SYDE2: variants seen among roughly 807,000 people sequenced by gnomAD.
SYDE2 encodes rho GTPase-activating protein SYDE2.
A neutral mutation model predicts 91.5 loss-of-function variants in SYDE2; 76 were observed. That is an observed-to-expected ratio of 0.83 (90% confidence interval 0.69 to 1.01). The LOEUF is 1.01. SYDE2 is among the 50% of genes least tolerant of loss of function. The pLI, the probability that SYDE2 is intolerant of heterozygous loss-of-function variation, is 0.00. For missense variants in SYDE2, 1,364 were observed against 1,367.7 expected (o/e 1.00, Z 0.04); for synonymous variants, 513 against 506.4 (o/e 1.01, Z -0.18).
At chr1:85,180,416 A>G (rs1657865785) in intron 3 of SYDE2, among the ~76,000 whole-genome samples, 1 of 151,976 alleles carries the variant, frequency 6.6e-6, no homozygotes, top group Admixed American at 6.6e-5. Context: ...TCTAGGCCGG[A>G]CGCGGTGGCT....
In SYDE2 at chr1:85,200,586, A is replaced by G. The variant is rs1658788683; in HGVS notation, c.411T>C (p.Ala137=). The G allele has an allele frequency of 2.5e-6, 4 of 1,581,742 alleles. No individual in the cohort carries two copies. The highest frequency in any genetic ancestry group is 2.6e-6 in the Non-Finnish European group (3 of 1,167,636). Residue 137 remains alanine (A), a synonymous_variant, in exon 1 of 7, where the codon GCT becomes GCC. Coordinates refer to ENST00000341460, the MANE Select transcript of SYDE2 (RefSeq NM_032184.2). ...CTGGAGGCTGGAGGCCGGTGGGTGC[A>G]GCCGCCCGGGCGCGGTCCCCACTCC... ...DGWSGDRARA[A]APTGLQPPGC...
At chr1:85,183,784 T>G (rs1184249050) in intron 2 of SYDE2, among the ~76,000 whole-genome samples, 1 of 152,110 alleles carries the variant, frequency 6.6e-6, no homozygotes, top group African/African-American at 2.4e-5. Flanking sequence ...GGGTCCTGCT[T>G]CAGTCTATAA....
At chr1:85,194,423 C>T (rs1275998466) in intron 1 of SYDE2, among the ~76,000 whole-genome samples, 1 of 147,082 alleles carries the variant, frequency 6.8e-6, no homozygotes, top group Non-Finnish European at 1.5e-5. Context: ...CTCACTGTTG[C>T]CTATATATTA....
intron 6 of SYDE2, chr1:85,160,099 A>C: frequency 1.6e-5 from 16 of 984,542 alleles, no homozygotes; most frequent in Non-Finnish European, 1.8e-5. Context: ...TAAAATGCTG[A>C]CACATAGCTA....
In SYDE2 at chr1:85,182,090, G is replaced by A; in HGVS notation, c.2544+8C>T. 1 of 1,571,470 alleles carries A rather than the reference G, an allele frequency of 6.4e-7. No individual in the cohort carries two copies. Among genetic ancestry groups the A allele is most frequent in the South Asian group, 1.2e-5 (1 of 81,604 alleles). ...AGGAAGTAGTAGGGAACCATAGTAA[G>A]ATAATACCTGACAGCCTCTCTTTTC... On this transcript the variant is annotated splice_region_variant and intron_variant, in intron 3 of 6. Transcript: ENST00000341460.
At chr1:85,161,650 T>C (rs1030521677) in intron 6 of SYDE2, among the ~76,000 whole-genome samples, 4 of 149,404 alleles carry the variant, frequency 2.7e-5, no homozygotes, top group Non-Finnish European at 5.9e-5. Flanking sequence ...TGCTTGAACC[T>C]GAGAGGCAAA....
chr1:85,166,526 G>A (rs1657282478), intron 5 of SYDE2, among the ~76,000 whole-genome samples: 2 of 152,070 alleles, frequency 1.3e-5, no homozygotes, highest in Admixed American at 1.3e-4. Context: ...GATGAGGTAG[G>A]AAGCCAGATT....
chr1:85,155,009 C>CAAAAAAAA, downstream of SYDE2, among the ~76,000 whole-genome samples: 9 of 80,640 alleles, frequency 1.1e-4, no homozygotes, highest in East Asian at 6.4e-4. Flanking sequence ...AAGAATGCAG[C>CAAAAAAAA]AAAAAAAAAA....
In SYDE2 at chr1:85,169,195, G is replaced by C; in HGVS notation, c.2702C>G (p.Pro901Arg). 1 of 1,613,422 alleles carries C rather than the reference G, an allele frequency of 6.2e-7. No individual in the cohort carries two copies. The highest frequency in any genetic ancestry group is 8.5e-7 in the Non-Finnish European group (1 of 1,179,700). ...GVLKDYLRELPSPLITKQLYE... is the reference protein window; with the variant it reads ...GVLKDYLRELRSPLITKQLYE... ...AAGCTGCTTTGTTATCAGAGGAGAA[G>C]GGAGTTCTCTTAAATAATCCTTAAG... The change falls in exon 5 of 7, where the codon CCT becomes CGT. Residue 901 changes from proline (P) to arginine (R), a missense_variant. Transcript: ENST00000341460.
intron 2 of SYDE2, among the ~76,000 whole-genome samples, chr1:85,185,219 T>G (rs1658086359): frequency 1.4e-5 from 2 of 147,770 alleles, no homozygotes; most frequent in South Asian, 4.2e-4. Flanking sequence ...ATATTTAATA[T>G]TTATAATATA....
In SYDE2 at chr1:85,200,361, C is replaced by A. The variant is rs1440715027; in HGVS notation, c.636G>T (p.Thr212=). 1 of 1,614,030 alleles carries A rather than the reference C, an allele frequency of 6.2e-7. No homozygotes were observed. The highest frequency in any genetic ancestry group is 1.1e-5 in the South Asian group (1 of 91,090). ...CCTGCGTTCCTGTGACTTTGGGAGC[C>A]GTCCCACGGGCACGACCCTTCATTC... The part of the protein sequence containing the change: ...SLGMKGRARG[T]APKVTGTQAA... The change falls in exon 1 of 7, where the codon ACG becomes ACT. Residue 212 remains threonine (T), a synonymous_variant. Coordinates refer to ENST00000341460, the MANE Select transcript of SYDE2 (RefSeq NM_032184.2).
chr1:85,187,043 C>T (rs1222208487), intron 2 of SYDE2, among the ~76,000 whole-genome samples: 2 of 151,784 alleles, frequency 1.3e-5, no homozygotes, highest in Non-Finnish European at 2.9e-5. Context: ...AGAGCTTCTG[C>T]ACAGCAAAAG....
At chr1:85,186,133 C>T (rs2100679108) in intron 2 of SYDE2, among the ~76,000 whole-genome samples, 1 of 151,934 alleles carries the variant, frequency 6.6e-6, no homozygotes, top group South Asian at 2.1e-4. Context: ...GCCTTGCATC[C>T]CAGGGATGAA....
At chr1:85,163,759 T>C (rs980058502) in intron 6 of SYDE2, among the ~76,000 whole-genome samples, 1 of 152,068 alleles carries the variant, frequency 6.6e-6, no homozygotes, top group African/African-American at 2.4e-5. Flanking sequence ...CTTGGTCCCA[T>C]GCAGTGTGGG....
chr1:85,167,041 T>G (rs1276377290), intron 5 of SYDE2, among the ~76,000 whole-genome samples: 1 of 151,940 alleles, frequency 6.6e-6, no homozygotes, highest in East Asian at 1.9e-4. Context: ...TGAAACCCAG[T>G]GTCTACAAAA....
chr1:85,197,473 T>C (rs1481050841), intron 1 of SYDE2, among the ~76,000 whole-genome samples: 1 of 152,158 alleles, frequency 6.6e-6, no homozygotes, highest in Non-Finnish European at 1.5e-5. Flanking sequence ...ATAAACCTTT[T>C]AGGATATTTA....
intron 4 of SYDE2, among the ~76,000 whole-genome samples, chr1:85,172,734 G>A (rs534827176): frequency 3.9e-5 from 6 of 152,274 alleles, no homozygotes; most frequent in South Asian, 2.1e-4. Context: ...GGTAAAGCCC[G>A]ACAGTTGAAG....
At chr1:85,199,619 T>C (rs1658730210) in intron 1 of SYDE2, among the ~76,000 whole-genome samples, 1 of 152,186 alleles carries the variant, frequency 6.6e-6, no homozygotes, top group African/African-American at 2.4e-5. Context: ...GATTACTTTG[T>C]TGAGGTTTCT....
intron 3 of SYDE2, 50 bp downstream of exon 3, chr1:85,182,048 A>C: frequency 1.3e-6 from 2 of 1,492,650 alleles, no homozygotes; most frequent in Non-Finnish European, 1.8e-6. Context: ...CAAGACTTAC[A>C]ATTAATCAAT....
Sources: allele counts gnomAD v4.1 joint callset (sites outside exome capture counted in the v4.1 genomes callset), GRCh38; gene constraint gnomAD v4.1.1; transcripts MANE v1.5; gene names NCBI Gene and HGNC (gene_info 2026-07-23, HGNC 2026-07-21).